Variants in ARHGAP6 observed in about 807,000 individuals in gnomAD.
ARHGAP6 encodes rho GTPase-activating protein 6.
In ARHGAP6, 16 loss-of-function variants were observed where a neutral mutation model predicts 55.7. That is an observed-to-expected ratio of 0.29 (90% CI 0.19 to 0.44). The LOEUF is 0.44. Among genes scored for constraint, ARHGAP6 ranks in the 20% least tolerant of loss-of-function variants. The pLI is 1.00. For synonymous variants in ARHGAP6, 382 were observed against 360.9 expected (o/e 1.06, Z -0.66); for missense variants, 698 against 808.9 (o/e 0.86, Z 1.66).
intron 1 of ARHGAP6, among the ~76,000 whole-genome samples, chrX:11,572,946 T>C (rs1334182783): frequency 8.9e-6 from 1 of 112,510 alleles, no homozygotes; most frequent in African/African-American, 3.2e-5. Context: ...CCAGTGATGA[T>C]ACGCATTTTT....
At chrX:11,453,192 C>CTA (rs1261822007) in intron 1 of ARHGAP6, among the ~76,000 whole-genome samples, 31 of 95,559 alleles carry the variant, frequency 3.2e-4, no homozygotes, top group Middle Eastern at 5.6e-3. Flanking sequence ...CTCTCTCTCT[C>CTA]TCTATATATA....
At chrX:11,393,284 A>C (rs1032778628) in intron 1 of ARHGAP6, among the ~76,000 whole-genome samples, 10 of 110,911 alleles carry the variant, frequency 9.0e-5, no homozygotes. Flanking sequence ...AAAACCAAAA[A>C]CAGCAGAAAT....
intron 1 of ARHGAP6, 94 bp from the exon 2 acceptor site, chrX:11,254,801 G>A (rs1015668137): frequency 2.0e-5 from 20 of 996,606 alleles, no homozygotes; most frequent in Admixed American, 4.1e-5. Context: ...ATAAAGTCAA[G>A]CAAACCACCT....
intron 1 of ARHGAP6, among the ~76,000 whole-genome samples, chrX:11,463,320 C>CTGT (rs1008144958): frequency 2.7e-5 from 3 of 111,742 alleles, no homozygotes; most frequent in African/African-American, 9.8e-5. Context: ...TTGTGGTTTT[C>CTGT]TGTTGTTGTT....
chrX:11,383,196 C>T (rs1436112188), intron 1 of ARHGAP6, among the ~76,000 whole-genome samples: 1 of 111,005 alleles, frequency 9.0e-6, no homozygotes, highest in Non-Finnish European at 1.9e-5. Context: ...TCTGAAGAAC[C>T]AGGAGTGGGA....
chrX:11,158,104 T>C (rs1741523354), intron 9 of ARHGAP6, among the ~76,000 whole-genome samples: 1 of 111,973 alleles, frequency 8.9e-6, no homozygotes, highest in South Asian at 3.8e-4. Flanking sequence ...CCTCTTATAA[T>C]AGTTATACCC....
At chrX:11,414,857 A>G (rs959541064) in intron 1 of ARHGAP6, among the ~76,000 whole-genome samples, 2 of 111,963 alleles carry the variant, frequency 1.8e-5, no homozygotes, top group African/African-American at 6.5e-5. Context: ...TAAAAGTGAT[A>G]CTAGTAAAAA....
At chrX:11,526,351 G>A (rs1234676834) in intron 1 of ARHGAP6, among the ~76,000 whole-genome samples, 1 of 111,523 alleles carries the variant, frequency 9.0e-6, no homozygotes, top group Non-Finnish European at 1.9e-5. Flanking sequence ...CCTACTGTCA[G>A]CTGTACATGA....
At chrX:11,354,605 C>T (rs1466368495) in intron 1 of ARHGAP6, among the ~76,000 whole-genome samples, 1 of 110,283 alleles carries the variant, frequency 9.1e-6, no homozygotes, top group East Asian at 2.8e-4. Context: ...ATCCACTTTT[C>T]TTCCATTACC....
chrX:11,260,805 C>T (rs2047551774), intron 1 of ARHGAP6, among the ~76,000 whole-genome samples: 1 of 111,821 alleles, frequency 8.9e-6, no homozygotes, highest in African/African-American at 3.3e-5. Context: ...CTGCTTTTGG[C>T]CCACTGGCTG....
Position 11,309,262 on chromosome X carries a change from A to C in ARHGAP6, c.589-54555T>G, listed in dbSNP as rs534273815. ...CTTCTTACCTCTCCAGGGTTCTTACACCTCAGCAATAGCAGCAGCTCCAGG... is the reference window on the plus strand; with the variant it reads ...CTTCTTACCTCTCCAGGGTTCTTACCCCTCAGCAATAGCAGCAGCTCCAGG... On this transcript the variant is annotated intron_variant, in intron 1 of 12. Transcript: ENST00000337414. Among the ~76,000 whole-genome samples, 5 of 111,377 alleles carry C rather than the reference A, an allele frequency of 4.5e-5. No homozygotes were observed. The South Asian group carries it at 1.9e-3, about 43-fold the overall frequency.
intron 2 of ARHGAP6, among the ~76,000 whole-genome samples, 160 bp from the exon 3 acceptor site, chrX:11,197,156 A>G (rs1201787970): frequency 1.8e-5 from 2 of 112,268 alleles, no homozygotes; most frequent in African/African-American, 3.2e-5. Context: ...GAAAATCCTG[A>G]CTTGGATACC....
At chrX:11,653,486 T>A (rs1010894660) in intron 1 of ARHGAP6, among the ~76,000 whole-genome samples, 1 of 112,726 alleles carries the variant, frequency 8.9e-6, no homozygotes, top group African/African-American at 3.2e-5. Flanking sequence ...ACATAGTAGG[T>A]GCACGATAAC....
chrX:11,557,133 T>A (rs1455742174), intron 1 of ARHGAP6, among the ~76,000 whole-genome samples: 1 of 112,125 alleles, frequency 8.9e-6, no homozygotes, highest in African/African-American at 3.2e-5. Context: ...GATATTCACG[T>A]TTGATGCTTT....
intron 1 of ARHGAP6, among the ~76,000 whole-genome samples, chrX:11,663,367 T>C (rs1242039873): frequency 3.6e-5 from 4 of 112,040 alleles, no homozygotes; most frequent in Non-Finnish European, 7.5e-5. Context: ...TGGAAACAGA[T>C]CCAAGGCAAA....
At chrX:11,326,243 C>T (rs1052772887) in intron 1 of ARHGAP6, among the ~76,000 whole-genome samples, 30 of 109,128 alleles carry the variant, frequency 2.7e-4, no homozygotes, top group Non-Finnish European at 4.8e-4. Flanking sequence ...ATTCTCCTGC[C>T]TCAGCCTCCC....
intron 1 of ARHGAP6, among the ~76,000 whole-genome samples, chrX:11,282,630 A>G (rs2047871516): frequency 8.9e-6 from 1 of 112,189 alleles, no homozygotes; most frequent in Non-Finnish European, 1.9e-5. Context: ...ATGGCTACAC[A>G]TTATATTTGA....
At chrX:11,211,851 T>C (rs2046807702) in intron 2 of ARHGAP6, among the ~76,000 whole-genome samples, 1 of 112,057 alleles carries the variant, frequency 8.9e-6, no homozygotes, top group South Asian at 3.7e-4. Flanking sequence ...GGGAACAGTT[T>C]TTAAAAATTG....
chrX:11,338,445 A>G (rs1353175875), intron 1 of ARHGAP6, among the ~76,000 whole-genome samples: 1 of 111,707 alleles, frequency 9.0e-6, no homozygotes, highest in Non-Finnish European at 1.9e-5. Flanking sequence ...CTGCATGCAT[A>G]TACTACCCCA....
Sources: gnomAD v4.1 joint callset for allele counts (sites outside exome capture counted in the v4.1 genomes callset) on GRCh38, gnomAD v4.1.1 for gene constraint, MANE v1.5 for transcripts, NCBI Gene and HGNC (gene_info 2026-07-23, HGNC 2026-07-21) for gene names.